Variants in SPAG16 observed in about 807,000 individuals in gnomAD.
SPAG16 encodes the protein sperm-associated antigen 16 protein.
SPAG16 carries 86 observed loss-of-function variants against 80.4 expected under a neutral mutation model. That is an observed-to-expected ratio of 1.07 (90% CI 0.90 to 1.28). The LOEUF (loss-of-function observed/expected upper bound fraction) is 1.28. Ranked by LOEUF, SPAG16 falls within the 50% of genes most tolerant of loss-of-function variation. SPAG16 has a pLI of 0.00. For missense variants in SPAG16, 870 were observed against 765.3 expected (o/e 1.14, Z -1.61); for synonymous variants, 294 against 265.9 (o/e 1.11, Z -1.03).
intron 10 of SPAG16, among the ~76,000 whole-genome samples, chr2:213,707,514 G>A (rs2065809647): frequency 6.6e-6 from 1 of 152,040 alleles, no homozygotes; most frequent in Non-Finnish European, 1.5e-5. Flanking sequence ...CTTAATTATA[G>A]CATTTATTGC....
chr2:213,471,727 G>A (rs1490934909), intron 9 of SPAG16, among the ~76,000 whole-genome samples: 1 of 152,184 alleles, frequency 6.6e-6, no homozygotes, highest in Non-Finnish European at 1.5e-5. Context: ...GCCTTCTCCT[G>A]TTCTGGAGCC....
chr2:213,488,211 A>G (rs78119635), intron 9 of SPAG16, among the ~76,000 whole-genome samples: 9,466 of 152,210 alleles, frequency 0.062, 463 homozygotes, highest in East Asian at 0.16. Context: ...CAAAGGAAAT[A>G]ACTATTGAAA....
intron 12 of SPAG16, among the ~76,000 whole-genome samples, chr2:213,966,729 G>T (rs2044729700): frequency 1.3e-5 from 2 of 152,078 alleles, no homozygotes; most frequent in South Asian, 4.1e-4. Context: ...CTTACACCGT[G>T]TTTAAACAAA....
At chr2:213,768,577 GACA>G (rs1270546722) in intron 10 of SPAG16, among the ~76,000 whole-genome samples, 1 of 152,160 alleles carries the variant, frequency 6.6e-6, no homozygotes, top group Non-Finnish European at 1.5e-5. Flanking sequence ...TTTGAATTTG[GACA>G]ACTAGTTGGA....
At chr2:213,677,015 G>C (rs1033176526) in intron 10 of SPAG16, among the ~76,000 whole-genome samples, 11 of 151,670 alleles carry the variant, frequency 7.3e-5, no homozygotes, top group Non-Finnish European at 1.0e-4. Flanking sequence ...TCTGGTCCTG[G>C]ACTCTTTTTG....
chr2:213,923,867 GC>G (rs1378577867), intron 11 of SPAG16: 1 of 152,386 alleles, frequency 6.6e-6, no homozygotes, highest in African/African-American at 2.4e-5. Flanking sequence ...AGCAGTTGTT[GC>G]CCACCTGGCT....
At chr2:214,140,737 C>A (rs938933428) in intron 14 of SPAG16, among the ~76,000 whole-genome samples, 63 of 151,724 alleles carry the variant, frequency 4.2e-4, no homozygotes, top group Non-Finnish European at 7.4e-5. Context: ...GACACTGATA[C>A]TATTCTACAA....
chr2:213,691,993 C>T (rs562870296), intron 10 of SPAG16, among the ~76,000 whole-genome samples: 1 of 152,012 alleles, frequency 6.6e-6, no homozygotes, highest in Non-Finnish European at 1.5e-5. Context: ...ATTCCCAAAG[C>T]CAAAATGATA....
intron 11 of SPAG16, among the ~76,000 whole-genome samples, chr2:213,925,136 GT>G (rs896812220): frequency 4.3e-4 from 3 of 7,032 alleles, no homozygotes; most frequent in African/African-American, 4.7e-4. Context: ...TATCATTATT[GT>G]TTTTTTTTAT....
At chr2:214,230,066 T>G (rs927907313) in intron 15 of SPAG16, among the ~76,000 whole-genome samples, 1 of 151,876 alleles carries the variant, frequency 6.6e-6, no homozygotes, top group Non-Finnish European at 1.5e-5. Context: ...ATCGGAATGA[T>G]TTCCCTAAAT....
At chr2:213,442,837 A>T (rs1220011044) in intron 9 of SPAG16, among the ~76,000 whole-genome samples, 1 of 152,194 alleles carries the variant, frequency 6.6e-6, no homozygotes, top group Non-Finnish European at 1.5e-5. Context: ...AATCTAGATT[A>T]CCTTGGATTT....
chr2:213,782,316 G>T (rs2070042483), intron 10 of SPAG16, among the ~76,000 whole-genome samples: 1 of 152,004 alleles, frequency 6.6e-6, no homozygotes, highest in Non-Finnish European at 1.5e-5. Flanking sequence ...AAACAATGAT[G>T]TAAAAGATTA....
chr2:214,222,243 A>C (rs932106147), intron 15 of SPAG16, among the ~76,000 whole-genome samples: 3 of 150,112 alleles, frequency 2.0e-5, no homozygotes, highest in Non-Finnish European at 4.4e-5. Flanking sequence ...CAGCCTCCTG[A>C]GTAGCTGGAA....
intron 12 of SPAG16, among the ~76,000 whole-genome samples, chr2:213,962,182 G>T (rs1240498712): frequency 6.6e-6 from 1 of 151,492 alleles, no homozygotes; most frequent in Non-Finnish European, 1.5e-5. Context: ...AATAGAACTG[G>T]TATCCTTTTT....
chr2:213,481,829 G>T (rs187915082), intron 9 of SPAG16, among the ~76,000 whole-genome samples: 1 of 152,216 alleles, frequency 6.6e-6, no homozygotes, highest in African/African-American at 2.4e-5. Flanking sequence ...CTCAGAAAAG[G>T]TCTGTGCAAG....
intron 9 of SPAG16, among the ~76,000 whole-genome samples, chr2:213,417,205 GACACACAC>G (rs140652255): frequency 0.026 from 3,896 of 151,430 alleles, 160 homozygotes; most frequent in African/African-American, 0.088. Context: ...GAAAAGTACA[GACACACAC>G]ACACACACAA....
chr2:213,327,422 A>C (rs2063892455), intron 5 of SPAG16, among the ~76,000 whole-genome samples: 1 of 152,094 alleles, frequency 6.6e-6, no homozygotes, highest in Non-Finnish European at 1.5e-5. Context: ...AATGGTCAGA[A>C]AAACTTTAAG....
intron 5 of SPAG16, among the ~76,000 whole-genome samples, chr2:213,324,194 AAC>A (rs2063747638): frequency 6.6e-6 from 1 of 152,146 alleles, no homozygotes; most frequent in African/African-American, 2.4e-5. Context: ...TAGGATAATC[AAC>A]ACTCTACTTT....
chr2:213,604,027 G>A (rs934593230), intron 10 of SPAG16, among the ~76,000 whole-genome samples: 2 of 151,774 alleles, frequency 1.3e-5, no homozygotes, highest in Admixed American at 1.3e-4. Context: ...GAGTAGCTGG[G>A]ATTACAGGCA....
Sources: gnomAD v4.1 joint callset for allele counts (sites outside exome capture counted in the v4.1 genomes callset) on GRCh38, gnomAD v4.1.1 for gene constraint, MANE v1.5 for transcripts, NCBI Gene and HGNC (gene_info 2026-07-23, HGNC 2026-07-21) for gene names.